The following PCNX1 variants were observed in gnomAD, a reference collection of about 807,000 sequenced individuals.
The protein encoded by PCNX1 is pecanex 1, also known as pecanex-like protein 1.
Under a neutral mutation model 242.2 loss-of-function variants are expected in PCNX1, and 78 were observed. That is an observed-to-expected ratio of 0.32 (90% CI 0.27 to 0.39). The LOEUF (loss-of-function observed/expected upper bound fraction) is 0.39. Among genes scored for constraint, PCNX1 ranks in the 10% least tolerant of loss-of-function variants. The pLI, the probability that PCNX1 is intolerant of heterozygous loss-of-function variation, is 1.00. For missense variants in PCNX1, 2,581 were observed against 2,856.5 expected, an observed-to-expected ratio of 0.90 and a Z score of 2.20; for synonymous variants, 1,024 against 1,032.9, an observed-to-expected ratio of 0.99 and a Z score of 0.17.
intron 16 of PCNX1, among the ~76,000 whole-genome samples, chr14:71,030,415 AT>A (rs1173064697): frequency 6.6e-6 from 1 of 151,806 alleles, no homozygotes; most frequent in Non-Finnish European, 1.5e-5. Flanking sequence ...ACGTGCCTAG[AT>A]TAGGTTAAAC....
At chr14:70,959,280 C>T (rs2058114405) in intron 2 of PCNX1, among the ~76,000 whole-genome samples, 1 of 149,248 alleles carries the variant, frequency 6.7e-6, no homozygotes, top group Admixed American at 6.7e-5. Flanking sequence ...GCACAATGTG[C>T]AGTTTAGTTA....
intron 6 of PCNX1, among the ~76,000 whole-genome samples, chr14:70,982,060 A>G (rs35432764): frequency 0.069 from 10,544 of 152,258 alleles, 479 homozygotes; most frequent in East Asian, 0.27. Flanking sequence ...CAAAGAAACA[A>G]TTATTTAAAG....
rs2060035716 is a variant in PCNX1 at position 71,019,304 on chromosome 14, G to A, written c.3150+142G>A. ...ATGTTTACATAAGATTGTGTAGAGA[G>A]CAAAAGGGGGATATAAACCTTAAAA... On this transcript the variant is annotated intron_variant, in intron 12 of 35. Transcript: ENST00000304743. 4 of 590,528 alleles carry A rather than the reference G, an allele frequency of 6.8e-6. No homozygotes were observed. In the East Asian group the frequency reaches 9.2e-5, roughly 14 times the overall value. 36.6% of individuals were successfully genotyped at this position (590,528 alleles called of 1,614,324 possible). A position where few individuals can be genotyped will look rare whatever the true frequency, so the allele number is the denominator to read the frequency against.
At chr14:70,912,361 T>C (rs1425786802) in intron 1 of PCNX1, among the ~76,000 whole-genome samples, 2 of 152,256 alleles carry the variant, frequency 1.3e-5, no homozygotes, top group African/African-American at 4.8e-5. Flanking sequence ...TCTTATTCGG[T>C]AGATCTGGAG....
intron 1 of PCNX1, among the ~76,000 whole-genome samples, chr14:70,913,387 A>G (rs1188487003): frequency 6.6e-6 from 1 of 152,200 alleles, no homozygotes; most frequent in East Asian, 1.9e-4. Context: ...AATCAAATAT[A>G]AAATTACTGA....
chr14:71,013,654 C>A (rs1445756088), intron 11 of PCNX1, among the ~76,000 whole-genome samples: 1 of 151,980 alleles, frequency 6.6e-6, no homozygotes, highest in African/African-American at 2.4e-5. Context: ...GATTTATCAT[C>A]TCATGTGAAA....
At chr14:71,045,617 A>G (rs1290510662) in intron 20 of PCNX1, among the ~76,000 whole-genome samples, 1 of 152,040 alleles carries the variant, frequency 6.6e-6, no homozygotes, top group African/African-American at 2.4e-5. Context: ...TTAGTTTTCA[A>G]TGCCATATAC....
chr14:71,009,606 C>A (rs377232121), intron 8 of PCNX1, 28 bp from the exon 9 acceptor site: 2 of 1,335,676 alleles, frequency 1.5e-6, no homozygotes, highest in Non-Finnish European at 2.1e-6. Flanking sequence ...ATTCTAATGG[C>A]TTTTTAAAAT....
At chr14:70,928,247 C>G (rs537812693) in intron 1 of PCNX1, among the ~76,000 whole-genome samples, 7 of 152,248 alleles carry the variant, frequency 4.6e-5, no homozygotes, top group African/African-American at 1.7e-4. Context: ...GTATCCTGAA[C>G]TGGCATTTTG....
At chr14:71,003,618 A>G (rs150324964) in intron 8 of PCNX1, among the ~76,000 whole-genome samples, 5 of 152,318 alleles carry the variant, frequency 3.3e-5, no homozygotes, top group East Asian at 3.9e-4. Context: ...AATCACAGCA[A>G]AATATGAACT....
At chr14:71,003,024 T>C (rs935003820) in intron 8 of PCNX1, among the ~76,000 whole-genome samples, 6 of 151,876 alleles carry the variant, frequency 4.0e-5, no homozygotes, top group Non-Finnish European at 8.8e-5. Flanking sequence ...ATATCTTCTT[T>C]TGTGAAGTGT....
intron 2 of PCNX1, among the ~76,000 whole-genome samples, chr14:70,956,300 T>C (rs2057991475): frequency 6.6e-6 from 1 of 152,002 alleles, no homozygotes; most frequent in Non-Finnish European, 1.5e-5. Context: ...CCCAGCACTT[T>C]GGGAGGCCAA....
chr14:70,965,827 A>G (rs1398127215), intron 3 of PCNX1, among the ~76,000 whole-genome samples: 1 of 152,204 alleles, frequency 6.6e-6, no homozygotes, highest in Non-Finnish European at 1.5e-5. Flanking sequence ...AGTTAGAAGT[A>G]ACCTTTCTTC....
At chr14:70,941,270 C>G (rs1334899625) in intron 1 of PCNX1, among the ~76,000 whole-genome samples, 1 of 152,062 alleles carries the variant, frequency 6.6e-6, no homozygotes, top group African/African-American at 2.4e-5. Flanking sequence ...TTTTATCTAC[C>G]TTTGGTCTTT....
At chr14:71,088,561 A>C (rs1009844613) in intron 29 of PCNX1, 131 bp downstream of exon 29, 2 of 530,352 alleles carry the variant, frequency 3.8e-6, no homozygotes, top group Non-Finnish European at 3.4e-6. Flanking sequence ...TTATATTTCT[A>C]TACATCATCT....
intron 24 of PCNX1, among the ~76,000 whole-genome samples, chr14:71,054,390 T>G (rs1033306611): frequency 6.6e-6 from 1 of 152,230 alleles, no homozygotes; most frequent in African/African-American, 2.4e-5. Context: ...TTTTAAAATA[T>G]GTTCATTGGC....
chr14:70,946,200 A>G (rs1480492407), intron 1 of PCNX1, among the ~76,000 whole-genome samples: 1 of 152,156 alleles, frequency 6.6e-6, no homozygotes, highest in Non-Finnish European at 1.5e-5. Context: ...AAGTATTTTA[A>G]ATGTTTAACT....
intron 20 of PCNX1, among the ~76,000 whole-genome samples, chr14:71,046,146 A>G (rs2060854338): frequency 6.6e-6 from 1 of 152,114 alleles, no homozygotes; most frequent in African/African-American, 2.4e-5. Flanking sequence ...CCTAATAAAT[A>G]AAAATGACAT....
In PCNX1 at chr14:70,919,709, TCCCCCCCCCCCC is replaced by T. The variant is rs370539833; in HGVS notation, c.153+11715_153+11726del. On this transcript the variant is annotated intron_variant, in intron 1 of 35. Coordinates refer to ENST00000304743, the MANE Select transcript of PCNX1 (RefSeq NM_014982.3). ...ATTCTGGTTCCTCTGGTTTCTCTGC[TCCCCCCCCCCCC>T]CCCCCCCCACCAAATAGGAGATGCT... 1.9e-3 allele frequency among the ~76,000 whole-genome samples: 15 copies of T among 8,092 alleles called. 5 individuals are homozygous for T. The highest frequency in any genetic ancestry group is 0.017 in the East Asian group (5 of 296). The allele number at this position is 8,092 out of a possible 152,430, so 5.3% of individuals were successfully genotyped here.
Sources: allele counts gnomAD v4.1 joint callset (sites outside exome capture counted in the v4.1 genomes callset), GRCh38; gene constraint gnomAD v4.1.1; transcripts MANE v1.5; gene names NCBI Gene and HGNC (gene_info 2026-07-23, HGNC 2026-07-21).